The following AGBL1 variants were observed in gnomAD, a reference collection of about 807,000 sequenced individuals.
The protein encoded by AGBL1 is cytosolic carboxypeptidase 4.
A neutral mutation model predicts 118.9 loss-of-function variants in AGBL1; 130 were observed. The observed-to-expected ratio is 1.09, with a 90% CI of 0.95 to 1.26. The LOEUF is 1.26. Among genes scored for constraint, AGBL1 ranks in the 50% most tolerant of loss-of-function variants. The pLI, the probability that AGBL1 is intolerant of heterozygous loss-of-function variation, is 0.00. For synonymous variants in AGBL1, 555 were observed against 478.9 expected (o/e 1.16, Z -2.08); for missense variants, 1,584 against 1,298.1 (o/e 1.22, Z -3.38).
At chr15:86,987,840 T>G in intron 23 of AGBL1, 1 of 732,660 alleles carries the variant, frequency 1.4e-6, no homozygotes, top group Non-Finnish European at 2.0e-6. Flanking sequence ...GTTTCTGACC[T>G]TATGTTGCTG....
At chr15:86,688,048 A>G (rs2086093551) in intron 22 of AGBL1, among the ~76,000 whole-genome samples, 1 of 152,178 alleles carries the variant, frequency 6.6e-6, no homozygotes, top group South Asian at 2.1e-4. Flanking sequence ...TGAAATGAGA[A>G]CAGAGTATGA....
intron 22 of AGBL1, among the ~76,000 whole-genome samples, chr15:86,712,978 T>A (rs4887500): frequency 0.34 from 52,053 of 152,040 alleles, 10,628 homozygotes; most frequent in Non-Finnish European, 0.46. Context: ...TCCTATGTGA[T>A]AATGATGTGC....
At chr15:86,530,274 C>A (rs1434455340) in intron 19 of AGBL1, among the ~76,000 whole-genome samples, 2 of 110,144 alleles carry the variant, frequency 1.8e-5, no homozygotes, top group African/African-American at 5.6e-5. Context: ...ATCTACCAAG[C>A]CAATGGAAAA....
chr15:86,872,207 A>C (rs1305623244), intron 22 of AGBL1, among the ~76,000 whole-genome samples: 1 of 152,218 alleles, frequency 6.6e-6, no homozygotes, highest in Non-Finnish European at 1.5e-5. Context: ...ATAAATCACA[A>C]GCAGTGCCTG....
rs540957772 is a variant in AGBL1 at position 86,467,835 on chromosome 15, A to G, written c.2556-54975A>G. ...ACCCACTGTCTAACCAGTTCCAGTG[A>G]GATGAACCAGGTACCTCAGTTGGAA... is the stretch of plus-strand genomic sequence containing the variant. On this transcript the variant is annotated intron_variant, in intron 18 of 22. Coordinates refer to ENST00000614907, the MANE Select transcript of AGBL1 (RefSeq NM_001386094.1). Among the ~76,000 whole-genome samples the G allele has an allele frequency of 8.3e-4, 127 of 152,246 alleles. 1 individual carries two copies. The highest frequency in any genetic ancestry group is 8.2e-3 in the Admixed American group (126 of 15,300).
intron 5 of AGBL1, among the ~76,000 whole-genome samples, chr15:86,170,814 C>G (rs1181670532): frequency 1.3e-5 from 2 of 151,878 alleles, no homozygotes; most frequent in Non-Finnish European, 2.9e-5. Context: ...CCACTGCACT[C>G]CAGCCTGGGC....
At chr15:87,003,613 T>A (rs1037461565) in intron 24 of AGBL1, among the ~76,000 whole-genome samples, 1 of 152,100 alleles carries the variant, frequency 6.6e-6, no homozygotes, top group Non-Finnish European at 1.5e-5. Context: ...GTCCTGGACT[T>A]TTTTTGGTTG....
At chr15:86,993,527 G>GT (rs796499372) in intron 24 of AGBL1, among the ~76,000 whole-genome samples, 7 of 152,282 alleles carry the variant, frequency 4.6e-5, no homozygotes, top group African/African-American at 1.7e-4. Context: ...GGGTGGGGTA[G>GT]TCACTGGCAG....
At chr15:86,752,486 TGTG>T (rs2077869772) in intron 22 of AGBL1, among the ~76,000 whole-genome samples, 1 of 152,102 alleles carries the variant, frequency 6.6e-6, no homozygotes, top group Non-Finnish European at 1.5e-5. Flanking sequence ...AGTCTAGTGA[TGTG>T]GTGATAGGAG....
At chr15:86,121,752 G>T (rs1354907793) in intron 1 of AGBL1, among the ~76,000 whole-genome samples, 1 of 152,176 alleles carries the variant, frequency 6.6e-6, no homozygotes, top group East Asian at 1.9e-4. Context: ...AATCCTGAAA[G>T]GCAGCCTCTC....
At chr15:86,092,659 A>G (rs1896111335) in intron 1 of AGBL1, among the ~76,000 whole-genome samples, 1 of 152,028 alleles carries the variant, frequency 6.6e-6, no homozygotes, top group Admixed American at 6.6e-5. Flanking sequence ...AAATGAACGG[A>G]AATTTATTGG....
At chr15:86,121,811 T>C (rs914368137) in intron 1 of AGBL1, among the ~76,000 whole-genome samples, 1 of 152,210 alleles carries the variant, frequency 6.6e-6, no homozygotes, top group Admixed American at 6.5e-5. Flanking sequence ...GCTTTTCAGG[T>C]TGACAGATGA....
chr15:86,572,884 G>A (rs1352981957), intron 21 of AGBL1, among the ~76,000 whole-genome samples: 1 of 152,234 alleles, frequency 6.6e-6, no homozygotes, highest in Non-Finnish European at 1.5e-5. Flanking sequence ...ACTGTAAGAG[G>A]CCAATGACGG....
At chr15:86,879,069 A>G (rs890891204) in intron 22 of AGBL1, among the ~76,000 whole-genome samples, 7 of 152,238 alleles carry the variant, frequency 4.6e-5, no homozygotes, top group African/African-American at 1.2e-4. Flanking sequence ...CCCAGAAGGC[A>G]GAAGTCTTTT....
At chr15:86,527,162 T>C (rs993293362) in intron 19 of AGBL1, among the ~76,000 whole-genome samples, 1 of 152,156 alleles carries the variant, frequency 6.6e-6, no homozygotes, top group African/African-American at 2.4e-5. Flanking sequence ...AAAAGTATGT[T>C]TCTCTGAGTA....
At chr15:86,415,334 T>C (rs1460532756) in intron 18 of AGBL1, among the ~76,000 whole-genome samples, 1 of 152,182 alleles carries the variant, frequency 6.6e-6, no homozygotes, top group Non-Finnish European at 1.5e-5. Context: ...AATGAATTCC[T>C]TGGTCCTAAC....
chr15:86,389,946 T>C (rs1388696492), intron 17 of AGBL1, among the ~76,000 whole-genome samples: 2 of 152,092 alleles, frequency 1.3e-5, no homozygotes, highest in East Asian at 3.8e-4. Flanking sequence ...CAAATGGAAA[T>C]TTTGACTAAA....
intron 19 of AGBL1, among the ~76,000 whole-genome samples, chr15:86,530,229 A>G (rs2083330013): frequency 7.3e-6 from 1 of 136,298 alleles, no homozygotes; most frequent in South Asian, 2.3e-4. Flanking sequence ...ACGTGCAGAG[A>G]CACACATAGG....
chr15:86,412,387 A>G (rs918763263), intron 18 of AGBL1, among the ~76,000 whole-genome samples: 2 of 152,196 alleles, frequency 1.3e-5, no homozygotes, highest in Non-Finnish European at 2.9e-5. Flanking sequence ...CATGACTATT[A>G]TCCTATTTCT....
Sources: gnomAD v4.1 joint callset for allele counts (sites outside exome capture counted in the v4.1 genomes callset) on GRCh38, gnomAD v4.1.1 for gene constraint, MANE v1.5 for transcripts, NCBI Gene and HGNC (gene_info 2026-07-23, HGNC 2026-07-21) for gene names.